PRRC2B: variants seen among roughly 807,000 people sequenced by gnomAD.
The protein encoded by PRRC2B is protein PRRC2B.
A neutral mutation model predicts 242.3 loss-of-function variants in PRRC2B; 68 were observed. That is an observed-to-expected ratio of 0.28 (90% CI 0.23 to 0.34). The LOEUF (loss-of-function observed/expected upper bound fraction) is 0.34, where lower values mean the gene tolerates loss of function less well. Ranked by LOEUF, PRRC2B falls within the 10% of genes least tolerant of loss-of-function variation. The probability of loss-of-function intolerance (pLI) is 1.00; values close to 1 mark genes in which losing one functional copy is unlikely to be tolerated. For synonymous variants in PRRC2B, 1,228 were observed against 1,173.6 expected (o/e 1.05, Z -0.95); for missense variants, 2,835 against 2,954.8 (o/e 0.96, Z 0.94).
chr9:131,415,062 G>C (rs904727455), intron 1 of PRRC2B, among the ~76,000 whole-genome samples: 1 of 152,036 alleles, frequency 6.6e-6, no homozygotes, highest in African/African-American at 2.4e-5. Context: ...GCACAATCTC[G>C]GTTCACTGTA....
intron 23 of PRRC2B, 88 bp downstream of exon 23, chr9:131,483,533 G>T: frequency 8.4e-7 from 1 of 1,185,846 alleles, no homozygotes; most frequent in Non-Finnish European, 1.3e-6. Flanking sequence ...ATTTCAGGCT[G>T]ACCTGGGCTG....
chr9:131,423,260 G>A (rs1837892999), intron 1 of PRRC2B, among the ~76,000 whole-genome samples: 2 of 152,206 alleles, frequency 1.3e-5, no homozygotes, highest in African/African-American at 2.4e-5. Flanking sequence ...GTCAGAGCTG[G>A]ATGGAAATGC....
At chr9:131,463,612 AT>A (rs562985927) in intron 11 of PRRC2B, among the ~76,000 whole-genome samples, 169 of 129,620 alleles carry the variant, frequency 1.3e-3, no homozygotes, top group African/African-American at 4.7e-3. Context: ...TCCAAAAGAG[AT>A]TTTTTTTAGG....
At chr9:131,420,350 C>T (rs957417475) in intron 1 of PRRC2B, among the ~76,000 whole-genome samples, 1 of 151,916 alleles carries the variant, frequency 6.6e-6, no homozygotes, top group African/African-American at 2.4e-5. Flanking sequence ...CAGCCTTCAG[C>T]TTTCCAGATG....
chr9:131,491,300 T>C, intron 28 of PRRC2B, 125 bp from the exon 29 acceptor site: 1 of 979,178 alleles, frequency 1.0e-6, no homozygotes, highest in Non-Finnish European at 1.5e-6. Flanking sequence ...TCCTGCTTTA[T>C]GCAGGCTTTG....
chr9:131,390,976 A>T (rs900628188), upstream of PRRC2B, among the ~76,000 whole-genome samples: 1 of 149,352 alleles, frequency 6.7e-6, no homozygotes, highest in Non-Finnish European at 1.5e-5. Context: ...TAGTAGAGAC[A>T]GGGTTTCACC....
chr9:131,475,047 T>A lies in PRRC2B; in HGVS notation c.2918T>A (p.Leu973Gln). Residue 973 changes from leucine to glutamine, a missense_variant, in exon 16 of 32, where the codon CTG becomes CAG. Physicochemically the swap from Leu to Gln is moderately radical, Grantham distance 113. Transcript: ENST00000683519. ...GAGCTAGGGGAGGAGAGTACCCGGC[T>A]GGCCAAGGAGAAGGAGCAGAGCCCC... ...KQELGEESTR[L>Q]AKEKEQSPTA... The A allele has an allele frequency of 6.2e-7, 1 of 1,608,674 alleles. No individual in the cohort carries two copies.
upstream of PRRC2B, among the ~76,000 whole-genome samples, chr9:131,389,743 T>C (rs748794609): frequency 6.7e-6 from 1 of 149,766 alleles, no homozygotes; most frequent in African/African-American, 2.4e-5. Flanking sequence ...TCAACCACCA[T>C]GGAGATTGAG....
intron 31 of PRRC2B, 120 bp from the exon 32 acceptor site, chr9:131,495,620 C>G: frequency 8.5e-7 from 1 of 1,171,468 alleles, no homozygotes; most frequent in South Asian, 1.5e-5. Context: ...AACCAAGGGA[C>G]TGACAACTTA....
At chr9:131,397,096 C>T (rs941609760) in intron 1 of PRRC2B, among the ~76,000 whole-genome samples, 6 of 152,228 alleles carry the variant, frequency 3.9e-5, no homozygotes, top group Non-Finnish European at 8.8e-5. Flanking sequence ...TTCCTCGCTT[C>T]CTGCCTCTTG....
intron 1 of PRRC2B, among the ~76,000 whole-genome samples, chr9:131,387,487 G>T (rs1334563917): frequency 6.7e-6 from 1 of 150,298 alleles, no homozygotes; most frequent in African/African-American, 2.4e-5. Context: ...CAATCAAGTT[G>T]ACACTCAGTA....
chr9:131,416,805 TG>T (rs1022552125), intron 1 of PRRC2B, among the ~76,000 whole-genome samples: 1 of 152,212 alleles, frequency 6.6e-6, no homozygotes, highest in Non-Finnish European at 1.5e-5. Context: ...CCTGAGGTTA[TG>T]GGGTTTGGGC....
intron 3 of PRRC2B, among the ~76,000 whole-genome samples, chr9:131,435,390 A>T (rs923225784): frequency 6.6e-6 from 1 of 152,034 alleles, no homozygotes. Flanking sequence ...TGAACTGAGC[A>T]GATCACATGA....
At chr9:131,379,877 G>T (rs1156497790) in intron 1 of PRRC2B, among the ~76,000 whole-genome samples, 1 of 151,452 alleles carries the variant, frequency 6.6e-6, no homozygotes, top group Non-Finnish European at 1.5e-5. Flanking sequence ...ACCCGCCTCA[G>T]CCTCCCAAAG....
At chr9:131,430,844 C>T (rs540161895) in intron 2 of PRRC2B, among the ~76,000 whole-genome samples, 64 of 152,078 alleles carry the variant, frequency 4.2e-4, no homozygotes, top group Admixed American at 1.6e-3. Context: ...CCACCCGCCT[C>T]GGCCTCCCAA....
chr9:131,391,992 C>T (rs113888204), upstream of PRRC2B, among the ~76,000 whole-genome samples: 2,195 of 152,150 alleles, frequency 0.014, 23 homozygotes, highest in South Asian at 0.035. Context: ...CTGCCTGCCT[C>T]GGCCTCCCAA....
chr9:131,464,680 G>A (rs752696892), intron 11 of PRRC2B, 83 bp from the exon 12 acceptor site: 6 of 1,270,874 alleles, frequency 4.7e-6, no homozygotes, highest in African/African-American at 1.5e-5. Context: ...ATCTTGGGAG[G>A]AGAACTGATC....
At chr9:131,438,131 G>A (rs2131337278) in intron 4 of PRRC2B, among the ~76,000 whole-genome samples, 1 of 152,334 alleles carries the variant, frequency 6.6e-6, no homozygotes, top group Middle Eastern at 3.4e-3. Flanking sequence ...ACATCTACCA[G>A]TAAGTGGGGA....
intron 24 of PRRC2B, 79 bp downstream of exon 24, chr9:131,484,869 C>G: frequency 1.3e-6 from 2 of 1,566,132 alleles, no homozygotes; most frequent in Non-Finnish European, 1.7e-6. Flanking sequence ...AGTCCCCGAA[C>G]CCCTAAAGCT....
Sources: gnomAD v4.1 joint callset for allele counts (sites outside exome capture counted in the v4.1 genomes callset) on GRCh38, gnomAD v4.1.1 for gene constraint, MANE v1.5 for transcripts, NCBI Gene and HGNC (gene_info 2026-07-23, HGNC 2026-07-21) for gene names.